SMPDL3A: variants seen among roughly 807,000 people sequenced by gnomAD.
SMPDL3A encodes cyclic GMP-AMP phosphodiesterase SMPDL3A.
In SMPDL3A, 39 loss-of-function variants were observed where a neutral mutation model predicts 38.5. That is an observed-to-expected ratio of 1.01 (90% CI 0.78 to 1.32). The LOEUF (loss-of-function observed/expected upper bound fraction) is 1.32. Ranked by LOEUF, SMPDL3A falls within the 40% of genes most tolerant of loss-of-function variation. The pLI is 0.00. For missense variants in SMPDL3A, 502 were observed against 536.2 expected, an observed-to-expected ratio of 0.94 and a Z score of 0.63; for synonymous variants, 180 against 194.3, an observed-to-expected ratio of 0.93 and a Z score of 0.61.
In SMPDL3A at chr6:122,806,281, A is replaced by G; in HGVS notation, c.968A>G (p.Lys323Arg). 6.2e-7 allele frequency: 1 copy of G among 1,613,374 alleles called. No individual in the cohort carries two copies. Among genetic ancestry groups the G allele is most frequent in the Non-Finnish European group, 8.5e-7 (1 of 1,179,458 alleles). ...LFVAPAVTPV[K>R]SVLEKQTNNP... Reference sequence around the variant, plus strand: ...GTGGCTCCTGCTGTTACACCAGTGAAGAGTGTTTTAGAAAAACAGACCAAC... The same window carrying G: ...GTGGCTCCTGCTGTTACACCAGTGAGGAGTGTTTTAGAAAAACAGACCAAC... Residue 323 changes from lysine (K) to arginine (R), a missense_variant, in exon 7 of 8, where the codon AAG becomes AGG. Physicochemically the swap from Lys to Arg is conservative, Grantham distance 26. Transcript: ENST00000368440.
rs1360241623 is a variant in SMPDL3A, at chr6:122,789,409, C to T, written c.63C>T (p.Leu21=). ...LLTAWHCRSG[L]GLPVAPAGGR... ...CTGCCTGGCACTGCCGCTCCGGCCTCGGGCTGCCCGTGGCGCCCGCAGGCG... is the reference window on the plus strand; with the variant it reads ...CTGCCTGGCACTGCCGCTCCGGCCTTGGGCTGCCCGTGGCGCCCGCAGGCG... The change falls in exon 1 of 8, where the codon CTC becomes CTT. Residue 21 remains leucine, a synonymous_variant. Transcript: ENST00000368440. 1 of 1,549,424 alleles carries T rather than the reference C, an allele frequency of 6.5e-7. No individual in the cohort carries two copies. Among genetic ancestry groups the T allele is most frequent in the Non-Finnish European group, 8.7e-7 (1 of 1,146,386 alleles).
In SMPDL3A at chr6:122,801,421, T is replaced by A; in HGVS notation, c.568+15T>A. 6.6e-7 allele frequency: 1 copy of A among 1,516,758 alleles called. No individual in the cohort carries two copies. Among genetic ancestry groups the A allele is most frequent in the Non-Finnish European group, 9.2e-7 (1 of 1,092,634 alleles). 94.0% of individuals were successfully genotyped at this position (1,516,758 alleles called of 1,614,324 possible). On this transcript the variant is annotated intron_variant, in intron 4 of 7. Coordinates refer to ENST00000368440, the MANE Select transcript of SMPDL3A (RefSeq NM_006714.5). Reference sequence around the variant, plus strand: ...TTTAAGGAAAGGTAAGTGAAAGACTTAGTTATTCCTATTTTGCCTCAATTT... The same window carrying A: ...TTTAAGGAAAGGTAAGTGAAAGACTAAGTTATTCCTATTTTGCCTCAATTT...
chr6:122,801,284 T>C, intron 3 of SMPDL3A, 26 bp from the exon 4 acceptor site: 1 of 1,520,398 alleles, frequency 6.6e-7, no homozygotes, highest in African/African-American at 1.4e-5. Context: ...TAAATTTCAA[T>C]GGTGGATTAT....
Position 122,805,037 on chromosome 6 carries a change from AT to A in SMPDL3A, c.871del (p.Tyr291MetfsTer20). 1 of 1,613,204 alleles carries A rather than the reference AT, an allele frequency of 6.2e-7. No individual in the cohort carries two copies. Among genetic ancestry groups the A allele is most frequent in the South Asian group, 1.1e-5 (1 of 90,650 alleles). Reference sequence around the variant, plus strand: ...AATACAGTGATGTCATTGCAGGACAATTTTATGGACACACTCACAGAGACAG... The same window carrying A: ...AATACAGTGATGTCATTGCAGGACAATTTATGGACACACTCACAGAGACAG... Reference protein sequence around the residue: ...QKYSDVIAGQFYGHTHRDSIM... With the variant: ...QKYSDVIAGQXYGHTHRDSIM... On this transcript the variant is annotated frameshift_variant, in exon 6 of 8. Coordinates refer to ENST00000368440, the MANE Select transcript of SMPDL3A (RefSeq NM_006714.5). LOFTEE classifies it high-confidence loss of function.
chr6:122,803,796 A>G lies in SMPDL3A; in HGVS notation c.701A>G (p.Glu234Gly). 1 of 1,614,094 alleles carries G rather than the reference A, an allele frequency of 6.2e-7. No homozygotes were observed. Among genetic ancestry groups the G allele is most frequent in the Non-Finnish European group, 8.5e-7 (1 of 1,180,020 alleles). Residue 234 changes from glutamate (E) to glycine (G), a missense_variant, in exon 5 of 8, where the codon GAA becomes GGA. By Grantham distance (98) the Glu-to-Gly change is moderately conservative. Transcript: ENST00000368440. ...TDPANQFEWL[E>G]STLNNSQQNK... ...CCAGCCAACCAGTTTGAATGGCTAGAAAGTACATTGAACAACTCTCAGCAG... is the reference window on the plus strand; with the variant it reads ...CCAGCCAACCAGTTTGAATGGCTAGGAAGTACATTGAACAACTCTCAGCAG...
At position 122,809,296 on chromosome 6, in the gene SMPDL3A, G is replaced by A. The variant is rs1219198973; in HGVS notation, c.1250G>A (p.Ser417Asn). ...TACTTCTTTGTGAGTTATGACAGCA[G>A]TGTAACATGTGATAAGACATGTAAG... ...YNYFFVSYDSSVTCDKTCKAF... is the reference protein window; with the variant it reads ...YNYFFVSYDSNVTCDKTCKAF... The change falls in exon 8 of 8, where the codon AGT becomes AAT. Residue 417 changes from serine (S) to asparagine (N), a missense_variant. Transcript: ENST00000368440. The A allele has an allele frequency of 6.2e-7, 1 of 1,613,536 alleles. No homozygotes were observed. The highest frequency in any genetic ancestry group is 1.1e-5 in the South Asian group (1 of 91,080).
intron 7 of SMPDL3A, among the ~76,000 whole-genome samples, chr6:122,808,363 A>T (rs2115178370): frequency 1.3e-5 from 2 of 152,316 alleles, no homozygotes; most frequent in South Asian, 4.1e-4. Context: ...CCACAGATTG[A>T]CTAGCAACAT....
At chr6:122,789,495 AAG>A in intron 1 of SMPDL3A, 37 bp downstream of exon 1, 1 of 1,508,706 alleles carries the variant, frequency 6.6e-7, no homozygotes, top group South Asian at 1.2e-5. Context: ...CCAGCCGGCA[AAG>A]AGCGCGGAGC....
chr6:122,797,614 G>C (rs1458499343), intron 3 of SMPDL3A, among the ~76,000 whole-genome samples: 1 of 152,162 alleles, frequency 6.6e-6, no homozygotes, highest in Non-Finnish European at 1.5e-5. Context: ...TCCTATTGTA[G>C]TAGTGTAAAA....
intron 7 of SMPDL3A, among the ~76,000 whole-genome samples, chr6:122,808,652 TCCCCCC>T (rs1781742816): frequency 4.2e-5 from 1 of 23,902 alleles, no homozygotes; most frequent in African/African-American, 1.5e-4. Context: ...CCCCCCCTCC[TCCCCCC>T]TCCCTCCCTC....
intron 3 of SMPDL3A, among the ~76,000 whole-genome samples, chr6:122,799,310 A>G (rs530242392): frequency 1.2e-4 from 19 of 152,342 alleles, no homozygotes; most frequent in African/African-American, 4.6e-4. Flanking sequence ...TGTCACAGCC[A>G]AAAAGGACTG....
In SMPDL3A at chr6:122,789,307, C is replaced by A; in HGVS notation, c.-40C>A. The A allele has an allele frequency of 7.0e-7, 1 of 1,430,664 alleles. No homozygotes were observed. The highest frequency in any genetic ancestry group is 9.5e-7 in the Non-Finnish European group (1 of 1,054,734). The allele number at this position is 1,430,664 out of a possible 1,614,324, so 88.6% of individuals were successfully genotyped here. Reference sequence around the variant, plus strand: ...AGGCCTGACGGTCCGAGTGGAGCTGCGGGACAGCCCGAACCTCCAGGTCAG... The same window carrying A: ...AGGCCTGACGGTCCGAGTGGAGCTGAGGGACAGCCCGAACCTCCAGGTCAG... On this transcript the variant is annotated 5_prime_UTR_variant, in exon 1 of 8. Transcript: ENST00000368440.
chr6:122,807,199 C>A (rs1781655083), intron 7 of SMPDL3A, among the ~76,000 whole-genome samples: 1 of 151,980 alleles, frequency 6.6e-6, no homozygotes, highest in African/African-American at 2.4e-5. Flanking sequence ...CTGGGCACAC[C>A]CAAAAAATTT....
At chr6:122,808,672 T>A (rs1195019493) in intron 7 of SMPDL3A, among the ~76,000 whole-genome samples, 1 of 108,804 alleles carries the variant, frequency 9.2e-6, no homozygotes, top group Admixed American at 1.3e-4. Context: ...CTCCCTCTCC[T>A]TCTTTCTTAT....
At chr6:122,808,057 A>G (rs939948624) in intron 7 of SMPDL3A, among the ~76,000 whole-genome samples, 2 of 152,138 alleles carry the variant, frequency 1.3e-5, no homozygotes, top group Non-Finnish European at 2.9e-5. Flanking sequence ...AGCACTAAAT[A>G]ATTTCTAAAA....
Position 122,789,262 on chromosome 6 carries a change from T to G in SMPDL3A, c.-85T>G. ...CGGACGTCTACACCCGCAGCCGTCTTCTGTCTCCGCCTCACCCTCAGGCCT... is the reference window on the plus strand; with the variant it reads ...CGGACGTCTACACCCGCAGCCGTCTGCTGTCTCCGCCTCACCCTCAGGCCT... On this transcript the variant is annotated 5_prime_UTR_variant, in exon 1 of 8. Coordinates refer to ENST00000368440, the MANE Select transcript of SMPDL3A (RefSeq NM_006714.5). 3.1e-6 allele frequency: 3 copies of G among 956,376 alleles called. No individual in the cohort carries two copies. The highest frequency in any genetic ancestry group is 4.6e-6 in the Non-Finnish European group (3 of 653,940). 59.2% of individuals were successfully genotyped at this position (956,376 alleles called of 1,614,324 possible).
intron 1 of SMPDL3A, among the ~76,000 whole-genome samples, chr6:122,792,185 CAGGTT>C (rs1781100418): frequency 6.6e-6 from 1 of 152,158 alleles, no homozygotes; most frequent in South Asian, 2.1e-4. Context: ...TCATGAGTCC[CAGGTT>C]AAGAACCTGT....
At chr6:122,803,882 T>G (rs776248730) in intron 5 of SMPDL3A, 49 bp downstream of exon 5, 5 of 1,536,600 alleles carry the variant, frequency 3.3e-6, no homozygotes, top group Non-Finnish European at 3.6e-6. Flanking sequence ...AAGGCAAAAT[T>G]TGTATGTTTA....
intron 3 of SMPDL3A, among the ~76,000 whole-genome samples, chr6:122,797,610 TGTA>T (rs1781295043): frequency 6.6e-6 from 1 of 152,184 alleles, no homozygotes; most frequent in African/African-American, 2.4e-5. Flanking sequence ...AGCATCCTAT[TGTA>T]GTAGTGTAAA....
Sources: gnomAD v4.1 joint callset for allele counts (sites outside exome capture counted in the v4.1 genomes callset) on GRCh38, gnomAD v4.1.1 for gene constraint, MANE v1.5 for transcripts, NCBI Gene and HGNC (gene_info 2026-07-23, HGNC 2026-07-21) for gene names.